SPRR2F: variants seen among roughly 807,000 people sequenced by gnomAD.
The protein encoded by SPRR2F is small proline rich protein 2F, also known as small proline-rich protein 2F.
In SPRR2F, 2 loss-of-function variants were observed where a neutral mutation model predicts 0.8. The observed-to-expected ratio is 2.52, with a 90% CI of 1.03 to 7.95. The LOEUF (loss-of-function observed/expected upper bound fraction) is 7.95, where lower values mean the gene tolerates loss of function less well. Ranked by LOEUF, SPRR2F falls within the 30% of genes most tolerant of loss-of-function variation. The pLI, the probability that SPRR2F is intolerant of heterozygous loss-of-function variation, is 0.04. For synonymous variants in SPRR2F, 39 were observed against 33.4 expected (o/e 1.17, Z -0.58); for missense variants, 80 against 85.8 (o/e 0.93, Z 0.27).
At chr1:153,112,950 T>C (rs1001740500) in intron 1 of SPRR2F, among the ~76,000 whole-genome samples, 198 bp from the exon 2 acceptor site, 7 of 152,218 alleles carry the variant, frequency 4.6e-5, no homozygotes, top group Admixed American at 6.5e-5. Context: ...CTCTTGTGTT[T>C]TCTCATATAA....
chr1:153,118,740 A>T, the SPRR2F span, among the ~76,000 whole-genome samples: 1 of 152,194 alleles, frequency 6.6e-6, no homozygotes, highest in Non-Finnish European at 1.5e-5. Flanking sequence ...TTGAAGTAAA[A>T]GGATGCTAGA....
upstream of SPRR2F, among the ~76,000 whole-genome samples, chr1:153,117,719 A>C (rs1655744777): frequency 6.6e-6 from 1 of 152,096 alleles, no homozygotes. Flanking sequence ...GCTTTGTGTT[A>C]GGGAGATTAA....
chr1:153,117,094 T>C (rs1655734847), upstream of SPRR2F, among the ~76,000 whole-genome samples: 2 of 152,060 alleles, frequency 1.3e-5, no homozygotes, highest in Admixed American at 1.3e-4. Flanking sequence ...AGTTATTTGC[T>C]TTATCTTTAA....
intron 1 of SPRR2F, 82 bp from the exon 2 acceptor site, chr1:153,112,834 A>G (rs1355275064): frequency 8.9e-6 from 14 of 1,570,230 alleles, no homozygotes; most frequent in Middle Eastern, 2.3e-4. Context: ...ACCATGGCAT[A>G]TTATTTCTCC....
upstream of SPRR2F, among the ~76,000 whole-genome samples, chr1:153,116,279 G>C (rs1655721313): frequency 6.6e-6 from 1 of 152,084 alleles, no homozygotes; most frequent in Admixed American, 6.6e-5. Flanking sequence ...TCAAATTATA[G>C]TAAAAGCATA....
chr1:153,116,246 C>T (rs976325488), upstream of SPRR2F, among the ~76,000 whole-genome samples: 3 of 152,052 alleles, frequency 2.0e-5, no homozygotes, highest in African/African-American at 7.2e-5. Context: ...TTTTAGAAGA[C>T]TATTTAATAT....
At chr1:153,116,119 C>CT (rs1655718654), upstream of SPRR2F, among the ~76,000 whole-genome samples, 1 of 152,158 alleles carries the variant, frequency 6.6e-6, no homozygotes, top group Admixed American at 6.5e-5. Flanking sequence ...TGAATTTCTG[C>CT]TTCTGTTTTA....
Position 153,112,397 on chromosome 1 carries a change from G to A in SPRR2F, c.*118C>T, listed in dbSNP as rs540592070. 4.0e-6 allele frequency: 6 copies of A among 1,498,978 alleles called. No homozygotes were observed. The African/African-American group carries it at 4.2e-5, about 10-fold the overall frequency. The allele number at this position is 1,498,978 out of a possible 1,614,324, so 92.9% of individuals were successfully genotyped here. On this transcript the variant is annotated 3_prime_UTR_variant, in exon 2 of 2. Coordinates refer to ENST00000468739, the MANE Select transcript of SPRR2F (RefSeq NM_001014450.3). ...ATCACAGGCCGATCACAGGCTAAGA[G>A]GAAAGAAGCTCCCTGTGTATCCCTG...
upstream of SPRR2F, among the ~76,000 whole-genome samples, chr1:153,113,797 TC>T (rs1387751123): frequency 6.6e-6 from 1 of 152,036 alleles, no homozygotes. Flanking sequence ...TCAAGGGCTC[TC>T]TTTTTTGACT....
chr1:153,116,339 A>G (rs1655721908), upstream of SPRR2F, among the ~76,000 whole-genome samples: 1 of 152,232 alleles, frequency 6.6e-6, no homozygotes, highest in African/African-American at 2.4e-5. Context: ...GATAAGAAAT[A>G]CCTAAAACAT....
chr1:153,115,759 A>G (rs1435763658), upstream of SPRR2F, among the ~76,000 whole-genome samples: 1 of 152,136 alleles, frequency 6.6e-6, no homozygotes. Context: ...TGTGTCATCT[A>G]TCTATCCATC....
chr1:153,117,514 A>C (rs1296123395), upstream of SPRR2F, among the ~76,000 whole-genome samples: 1 of 152,008 alleles, frequency 6.6e-6, no homozygotes, highest in Non-Finnish European at 1.5e-5. Context: ...TCTCACTTAA[A>C]TATCATATTT....
At chr1:153,113,198 C>T (rs1428322894) in intron 1 of SPRR2F, among the ~76,000 whole-genome samples, 1 of 152,136 alleles carries the variant, frequency 6.6e-6, no homozygotes, top group African/African-American at 2.4e-5. Flanking sequence ...AAAAGGACAC[C>T]AGAAAAGCAG....
At chr1:153,115,033 T>C (rs958247445), upstream of SPRR2F, among the ~76,000 whole-genome samples, 19 of 152,060 alleles carry the variant, frequency 1.2e-4, no homozygotes, top group South Asian at 2.1e-4. Flanking sequence ...CCAGGAAGGG[T>C]AGGAGTGCTG....
upstream of SPRR2F, among the ~76,000 whole-genome samples, chr1:153,117,551 C>T (rs903009460): frequency 3.9e-5 from 6 of 151,936 alleles, no homozygotes; most frequent in Non-Finnish European, 2.9e-5. Context: ...ACTTAAATTT[C>T]AGTCTAAGTC....
upstream of SPRR2F, among the ~76,000 whole-genome samples, chr1:153,113,992 ATTT>A (rs1171281660): frequency 3.8e-5 from 3 of 78,742 alleles, no homozygotes; most frequent in South Asian, 4.4e-4. Flanking sequence ...CTGGTCCCAG[ATTT>A]TTTTTTTTTT....
chr1:153,112,916 G>A (rs1014431255), intron 1 of SPRR2F, among the ~76,000 whole-genome samples, 164 bp from the exon 2 acceptor site: 5 of 152,168 alleles, frequency 3.3e-5, no homozygotes, highest in Non-Finnish European at 4.4e-5. Context: ...CCACTTCAGC[G>A]AATTACTTCA....
upstream of SPRR2F, among the ~76,000 whole-genome samples, chr1:153,116,767 A>G (rs1040794099): frequency 6.6e-6 from 1 of 152,118 alleles, no homozygotes; most frequent in African/African-American, 2.4e-5. Flanking sequence ...TACCAGGGTA[A>G]AAACATCAGG....
upstream of SPRR2F, among the ~76,000 whole-genome samples, chr1:153,116,997 A>G (rs918564753): frequency 4.6e-5 from 7 of 152,118 alleles, no homozygotes; most frequent in African/African-American, 1.7e-4. Flanking sequence ...ACTTATGACT[A>G]CAGATAGTAC....
Sources: gnomAD v4.1 joint callset for allele counts (sites outside exome capture counted in the v4.1 genomes callset) on GRCh38, gnomAD v4.1.1 for gene constraint, MANE v1.5 for transcripts, NCBI Gene and HGNC (gene_info 2026-07-23, HGNC 2026-07-21) for gene names.